Variants in LRRC4C observed in about 807,000 individuals in gnomAD.
LRRC4C encodes leucine-rich repeat-containing protein 4C.
A neutral mutation model predicts 33.6 loss-of-function variants in LRRC4C; 5 were observed. That is an observed-to-expected ratio of 0.15 (90% confidence interval 0.08 to 0.31). The LOEUF is 0.31. Among genes scored for constraint, LRRC4C ranks in the 10% least tolerant of loss-of-function variants. The pLI is 1.00. For synonymous variants in LRRC4C, 329 were observed against 302.0 expected, an observed-to-expected ratio of 1.09 and a Z score of -0.93; for missense variants, 560 against 796.7, an observed-to-expected ratio of 0.70 and a Z score of 3.58.
At chr11:41,247,617 C>T (rs75889084) in intron 1 of LRRC4C, among the ~76,000 whole-genome samples, 508 of 152,220 alleles carry the variant, frequency 3.3e-3, no homozygotes, top group Non-Finnish European at 5.6e-3. Context: ...TTTGAAAAAG[C>T]AAGAGTGCCT....
chr11:40,622,517 G>C (rs1369949994), intron 3 of LRRC4C, among the ~76,000 whole-genome samples: 1 of 151,904 alleles, frequency 6.6e-6, no homozygotes, highest in South Asian at 2.1e-4. Flanking sequence ...GAGTGTGAGA[G>C]TCAAGCCGCA....
intron 2 of LRRC4C, among the ~76,000 whole-genome samples, chr11:40,716,654 T>C (rs540868703): frequency 2.4e-4 from 36 of 152,296 alleles, no homozygotes; most frequent in South Asian, 8.3e-4. Context: ...TAAGAAGTCA[T>C]AGATTCCTGA....
At chr11:40,538,058 A>T (rs1019669488) in intron 3 of LRRC4C, among the ~76,000 whole-genome samples, 1 of 152,150 alleles carries the variant, frequency 6.6e-6, no homozygotes, top group African/African-American at 2.4e-5. Flanking sequence ...TGTCTCTCAA[A>T]CTAGGTTATA....
intron 1 of LRRC4C, among the ~76,000 whole-genome samples, chr11:40,986,251 G>T (rs1852985659): frequency 6.6e-6 from 1 of 152,110 alleles, no homozygotes; most frequent in Non-Finnish European, 1.5e-5. Context: ...AGTTGGTAAA[G>T]AAATGTCTGA....
At chr11:40,270,281 A>C (rs1235458967) in intron 4 of LRRC4C, among the ~76,000 whole-genome samples, 1 of 152,252 alleles carries the variant, frequency 6.6e-6, no homozygotes. Flanking sequence ...AGAGACTAGA[A>C]GTCCAAGATT....
At chr11:40,129,712 T>C (rs1334169424) in intron 6 of LRRC4C, among the ~76,000 whole-genome samples, 3 of 152,132 alleles carry the variant, frequency 2.0e-5, no homozygotes, top group Non-Finnish European at 4.4e-5. Flanking sequence ...CTACAGAGAC[T>C]CATTTGAACC....
At chr11:41,138,065 C>T (rs1472770014) in intron 1 of LRRC4C, among the ~76,000 whole-genome samples, 2 of 152,208 alleles carry the variant, frequency 1.3e-5, no homozygotes, top group South Asian at 2.1e-4. Context: ...ATCATTTTCA[C>T]TCATTCACTT....
At chr11:40,553,581 A>G (rs1439451890) in intron 3 of LRRC4C, among the ~76,000 whole-genome samples, 1 of 152,094 alleles carries the variant, frequency 6.6e-6, no homozygotes, top group South Asian at 2.1e-4. Flanking sequence ...GGGAATGGTA[A>G]TATCAGTTAT....
chr11:40,909,307 G>C (rs909325024), intron 2 of LRRC4C, among the ~76,000 whole-genome samples: 16 of 151,882 alleles, frequency 1.1e-4, no homozygotes, highest in Admixed American at 1.0e-3. Context: ...GGCTTGCTTT[G>C]ACTAAATTTG....
chr11:41,093,247 C>T (rs1486106766), intron 1 of LRRC4C, among the ~76,000 whole-genome samples: 1 of 152,184 alleles, frequency 6.6e-6, no homozygotes, highest in Non-Finnish European at 1.5e-5. Flanking sequence ...AAAACAGACA[C>T]ATGTAGCCAA....
chr11:40,612,265 C>T (rs4282968), intron 3 of LRRC4C, among the ~76,000 whole-genome samples: 103 of 151,846 alleles, frequency 6.8e-4, no homozygotes, highest in African/African-American at 2.1e-3. Flanking sequence ...GAAGACATTA[C>T]GCAAATTGAA....
At chr11:41,334,658 C>T (rs2137405127) in intron 1 of LRRC4C, among the ~76,000 whole-genome samples, 1 of 152,106 alleles carries the variant, frequency 6.6e-6, no homozygotes, top group Non-Finnish European at 1.5e-5. Flanking sequence ...AAGTGAGACC[C>T]TCTCTCTGCA....
intron 3 of LRRC4C, among the ~76,000 whole-genome samples, chr11:40,596,541 G>A (rs542883338): frequency 6.6e-6 from 1 of 151,218 alleles, no homozygotes; most frequent in South Asian, 2.1e-4. Context: ...CAAAATACTA[G>A]ATCTTATTAA....
chr11:40,296,105 C>T (rs1450969627), intron 4 of LRRC4C, among the ~76,000 whole-genome samples: 1 of 152,042 alleles, frequency 6.6e-6, no homozygotes, highest in Non-Finnish European at 1.5e-5. Flanking sequence ...ATCTTTAATA[C>T]TATCAGAATG....
At chr11:40,712,568 C>T (rs1424259541) in intron 2 of LRRC4C, among the ~76,000 whole-genome samples, 1 of 151,922 alleles carries the variant, frequency 6.6e-6, no homozygotes, top group Non-Finnish European at 1.5e-5. Flanking sequence ...ACAATATTTA[C>T]AAGAATGCTG....
intron 3 of LRRC4C, among the ~76,000 whole-genome samples, chr11:40,507,225 T>TC (rs1955076452): frequency 1.3e-5 from 2 of 152,076 alleles, no homozygotes; most frequent in South Asian, 4.1e-4. Context: ...GACTGAGAAA[T>TC]ATATATAACA....
chr11:40,151,902 A>G (rs1858245426), intron 5 of LRRC4C, among the ~76,000 whole-genome samples: 1 of 152,190 alleles, frequency 6.6e-6, no homozygotes, highest in Non-Finnish European at 1.5e-5. Context: ...TAAATTTTTC[A>G]GAATAATTTC....
chr11:40,925,775 G>T (rs1434772693), intron 2 of LRRC4C, among the ~76,000 whole-genome samples: 1 of 152,076 alleles, frequency 6.6e-6, no homozygotes, highest in Non-Finnish European at 1.5e-5. Context: ...CTGTAAATTG[G>T]AGATTATTTC....
intron 1 of LRRC4C, among the ~76,000 whole-genome samples, chr11:41,257,669 C>T (rs1948844637): frequency 6.6e-6 from 1 of 152,004 alleles, no homozygotes. Context: ...CACCAGGGGG[C>T]AAAGGAGCTG....
Sources: allele counts gnomAD v4.1 joint callset (sites outside exome capture counted in the v4.1 genomes callset), GRCh38; gene constraint gnomAD v4.1.1; transcripts MANE v1.5; gene names NCBI Gene and HGNC (gene_info 2026-07-23, HGNC 2026-07-21).